Variants in ERO1A observed in about 807,000 individuals in gnomAD.
The protein encoded by ERO1A is ERO1-like protein alpha.
ERO1A carries 49 observed loss-of-function variants against 76.9 expected under a neutral mutation model. The observed-to-expected ratio is 0.64, with a 90% CI of 0.51 to 0.81. ERO1A has a LOEUF of 0.81. ERO1A is among the 30% of genes least tolerant of loss of function. ERO1A has a pLI of 0.00. For synonymous variants in ERO1A, 174 were observed against 181.2 expected (o/e 0.96, Z 0.32); for missense variants, 448 against 542.1 (o/e 0.83, Z 1.72).
Position 52,653,007 on chromosome 14 carries a change from AT to A in ERO1A, c.1055+61del. The A allele has an allele frequency of 3.2e-6, 4 of 1,252,820 alleles. No individual in the cohort carries two copies. In the East Asian group the frequency reaches 1.0e-4, roughly 33 times the overall value. The allele number at this position is 1,252,820 out of a possible 1,614,324, so 77.6% of individuals were successfully genotyped here. On this transcript the variant is annotated intron_variant, in intron 12 of 15. Transcript: ENST00000395686. ...GAGAGCCTGTCTCAAAAAAAAAAAA[AT>A]TTATCTTGTACATTAATTGTCACTC...
intron 4 of ERO1A, among the ~76,000 whole-genome samples, chr14:52,672,776 CAAAAA>C (rs1226719026): frequency 1.6e-5 from 1 of 61,114 alleles, no homozygotes; most frequent in Non-Finnish European, 3.5e-5. Flanking sequence ...TGTCTCTGAC[CAAAAA>C]AAAAAAAAAA....
At chr14:52,651,288 A>G (rs1000659724) in intron 13 of ERO1A, among the ~76,000 whole-genome samples, 1 of 152,086 alleles carries the variant, frequency 6.6e-6, no homozygotes, top group East Asian at 1.9e-4. Context: ...ATCCCTTCTC[A>G]ATAATAATAA....
chr14:52,657,974 T>C lies in ERO1A; in HGVS notation c.751A>G (p.Ile251Val), dbSNP rs767628708. 1.0e-4 allele frequency: 165 copies of C among 1,612,336 alleles called. No homozygotes were observed. The highest frequency in any genetic ancestry group is 1.4e-4 in the Non-Finnish European group (160 of 1,179,346). The change falls in exon 11 of 16, where the codon ATA becomes GTA. Residue 251 changes from isoleucine to valine, a missense_variant. By Grantham distance (29) the Ile-to-Val change is conservative (BLOSUM62 3). Around this residue, in one of 2 missense-constraint regions of ERO1A, gnomAD observed 302 missense variants for 411.9 expected, o/e 0.73. Coordinates refer to ENST00000395686, the MANE Select transcript of ERO1A (RefSeq NM_014584.3). ...CVEKRAFYRL[I>V]SGLHASINVH... Reference sequence around the variant, plus strand: ...TTAATGCTTGCATGTAGGCCAGATATAAGTCTGTAGAATGCTCTTTTTTCT... The same window carrying C: ...TTAATGCTTGCATGTAGGCCAGATACAAGTCTGTAGAATGCTCTTTTTTCT...
intron 3 of ERO1A, among the ~76,000 whole-genome samples, chr14:52,681,597 C>T (rs1172233977): frequency 2.0e-5 from 3 of 150,826 alleles, no homozygotes; most frequent in Non-Finnish European, 4.4e-5. Flanking sequence ...GGTGAGACAT[C>T]ATGTCAAAAA....
intron 15 of ERO1A, among the ~76,000 whole-genome samples, chr14:52,644,055 G>A (rs2039562157): frequency 6.6e-6 from 1 of 152,096 alleles, no homozygotes; most frequent in Non-Finnish European, 1.5e-5. Context: ...TAGGAGAACT[G>A]CTTGAGCCCA....
At chr14:52,651,638 T>C (rs1209568139) in intron 13 of ERO1A, among the ~76,000 whole-genome samples, 1 of 152,220 alleles carries the variant, frequency 6.6e-6, no homozygotes, top group Non-Finnish European at 1.5e-5. Flanking sequence ...CAAGATATAC[T>C]GTTAAGTATA....
chr14:52,687,844 A>G (rs757111261), intron 1 of ERO1A, among the ~76,000 whole-genome samples: 7 of 152,186 alleles, frequency 4.6e-5, no homozygotes, highest in Non-Finnish European at 1.0e-4. Flanking sequence ...GGAACAGTAA[A>G]TAGGAGGACC....
intron 4 of ERO1A, among the ~76,000 whole-genome samples, chr14:52,677,797 AG>A (rs200350959): frequency 0.02 from 2,956 of 149,248 alleles, 103 homozygotes; most frequent in African/African-American, 0.068. Flanking sequence ...CAGGAGTTCA[AG>A]GTTACAGTGA....
intron 1 of ERO1A, among the ~76,000 whole-genome samples, chr14:52,685,717 C>G (rs2041154941): frequency 6.6e-6 from 1 of 152,176 alleles, no homozygotes; most frequent in Non-Finnish European, 1.5e-5. Flanking sequence ...CAAGCCTCAG[C>G]TCAGTATCAC....
chr14:52,663,686 A>G (rs1431981289), intron 8 of ERO1A, 115 bp downstream of exon 8: 28 of 640,394 alleles, frequency 4.4e-5, no homozygotes, highest in Non-Finnish European at 8.5e-6. Context: ...CTATGGAAAC[A>G]GGACTGTGGA....
At chr14:52,653,921 A>G (rs1021337777) in intron 11 of ERO1A, among the ~76,000 whole-genome samples, 2 of 152,090 alleles carry the variant, frequency 1.3e-5, no homozygotes, top group Non-Finnish European at 2.9e-5. Context: ...CTATGCACAT[A>G]TATTACTCTA....
chr14:52,650,434 C>T (rs2039817051), intron 13 of ERO1A, among the ~76,000 whole-genome samples: 1 of 149,348 alleles, frequency 6.7e-6, no homozygotes, highest in African/African-American at 2.5e-5. Flanking sequence ...TTTATTTTTA[C>T]TATTTTTCTA....
intron 1 of ERO1A, among the ~76,000 whole-genome samples, chr14:52,693,946 A>G (rs527692817): frequency 6.6e-6 from 1 of 152,358 alleles, no homozygotes; most frequent in African/African-American, 2.4e-5. Context: ...TTTAATCACT[A>G]GTTAGAAGAA....
chr14:52,657,575 G>A (rs376607931), intron 11 of ERO1A, among the ~76,000 whole-genome samples: 5 of 152,124 alleles, frequency 3.3e-5, no homozygotes, highest in East Asian at 1.9e-4. Context: ...GGCCTGATAC[G>A]AGCACACAAA....
chr14:52,656,410 A>G (rs1367011403), intron 11 of ERO1A, among the ~76,000 whole-genome samples: 1 of 152,196 alleles, frequency 6.6e-6, no homozygotes, highest in African/African-American at 2.4e-5. Context: ...ATGATGATCT[A>G]AAATTACTAA....
intron 4 of ERO1A, among the ~76,000 whole-genome samples, chr14:52,678,022 T>C (rs1204429977): frequency 6.6e-6 from 1 of 152,002 alleles, no homozygotes; most frequent in Non-Finnish European, 1.5e-5. Flanking sequence ...TCCCAGCACT[T>C]TGGGAGGCCA....
intron 7 of ERO1A, among the ~76,000 whole-genome samples, chr14:52,665,920 T>C (rs757992030): frequency 3.3e-5 from 5 of 152,142 alleles, no homozygotes; most frequent in African/African-American, 7.2e-5. Context: ...ATACAGTGAG[T>C]GCTCAAAAAT....
chr14:52,658,505 C>A, intron 9 of ERO1A: 1 of 180,584 alleles, frequency 5.5e-6, no homozygotes, highest in Admixed American at 6.2e-5. Context: ...GCCATGAAAA[C>A]TAAGGATTCA....
At chr14:52,681,366 G>A (rs541280796) in intron 3 of ERO1A, among the ~76,000 whole-genome samples, 2 of 152,290 alleles carry the variant, frequency 1.3e-5, no homozygotes, top group East Asian at 1.9e-4. Context: ...GGCTGAGGCA[G>A]GCAGATCACC....
Sources: gnomAD v4.1 joint callset for allele counts (sites outside exome capture counted in the v4.1 genomes callset) on GRCh38, gnomAD v4.1.1 for gene constraint, gnomAD v4.1.1 regional missense constraint, MANE v1.5 for transcripts, NCBI Gene and HGNC (gene_info 2026-07-23, HGNC 2026-07-21) for gene names.